Variants in BCAP29 observed in about 807,000 individuals in gnomAD.
The protein encoded by BCAP29 is B-cell receptor-associated protein 29.
BCAP29 carries 34 observed loss-of-function variants against 31.8 expected under a neutral mutation model. The ratio of observed to expected loss-of-function variants is 1.07; its 90% CI spans 0.81 to 1.42. The LOEUF is 1.42. Ranked by LOEUF, BCAP29 falls within the 40% of genes most tolerant of loss-of-function variation. The pLI is 0.00. For missense variants in BCAP29, 314 were observed against 269.2 expected (o/e 1.17, Z -1.16); for synonymous variants, 104 against 91.3 (o/e 1.14, Z -0.79).
chr7:107,618,838 T>C lies in BCAP29; in HGVS notation c.*475T>C, dbSNP rs1814639488. ...GTAAATAAGGATAACTGATCAGAGT[T>C]ATCCACTGTATTTATAAGGAAGAGT... On this transcript the variant is annotated 3_prime_UTR_variant, in exon 8 of 8. Transcript: ENST00000005259. 6.6e-6 allele frequency: 2 copies of C among 305,178 alleles called. No individual in the cohort carries two copies. Among genetic ancestry groups the C allele is most frequent in the Non-Finnish European group, 6.1e-6 (1 of 164,472 alleles). 18.9% of individuals were successfully genotyped at this position (305,178 alleles called of 1,614,324 possible). A position where few individuals can be genotyped will look rare whatever the true frequency, so the allele number is the denominator to read the frequency against.
At chr7:107,615,379 G>T (rs1487762873) in intron 7 of BCAP29, 1 of 454,954 alleles carries the variant, frequency 2.2e-6, no homozygotes, top group Non-Finnish European at 4.4e-6. Context: ...GAGGCGGGCG[G>T]ATCATGGGAG....
intron 2 of BCAP29, among the ~76,000 whole-genome samples, chr7:107,582,746 A>G (rs1372661671): frequency 6.6e-6 from 1 of 152,184 alleles, no homozygotes; most frequent in Non-Finnish European, 1.5e-5. Context: ...GTTGTTCCCT[A>G]TGAGAGATCT....
chr7:107,599,295 A>ATATATATAATTT (rs1563134201), intron 5 of BCAP29, among the ~76,000 whole-genome samples: 7 of 23,366 alleles, frequency 3.0e-4, no homozygotes, highest in African/African-American at 1.0e-3. Flanking sequence ...TTATATATAA[A>ATATATATAATTT]TTATATATAA....
chr7:107,595,779 T>G, intron 4 of BCAP29, 88 bp from the exon 5 acceptor site: 2 of 1,393,066 alleles, frequency 1.4e-6, no homozygotes, highest in Non-Finnish European at 2.0e-6. Context: ...CACACCTATA[T>G]CTAATGGGGA....
intron 6 of BCAP29, among the ~76,000 whole-genome samples, chr7:107,606,822 C>T (rs2129274982): frequency 6.6e-6 from 1 of 152,318 alleles, no homozygotes; most frequent in South Asian, 2.1e-4. Context: ...GGGACTAGAT[C>T]TCTAGAGGTC....
In BCAP29 at chr7:107,583,902, T is replaced by G. The variant is rs377633207; in HGVS notation, c.113T>G (p.Phe38Cys). 12 of 1,572,712 alleles carry G rather than the reference T, an allele frequency of 7.6e-6. No homozygotes were observed. Among genetic ancestry groups the G allele is most frequent in the Non-Finnish European group, 9.5e-6 (11 of 1,157,190 alleles). ...PPQRWQKIFS[F>C]NVWGKIATFW... is the part of the protein sequence containing the mutation. The stretch of plus-strand genomic sequence containing the variant: ...TACAGATGGCAGAAGATTTTTTCAT[T>G]TAATGTCTGGGGTAAAATTGCAACT... Residue 38 changes from phenylalanine to cysteine, a missense_variant, in exon 3 of 8, where the codon TTT (phenylalanine) becomes TGT (cysteine). Phe to Cys is a radical substitution (Grantham distance 205). Coordinates refer to ENST00000005259, the MANE Select transcript of BCAP29 (RefSeq NM_018844.4).
chr7:107,592,839 G>A (rs918494402), intron 3 of BCAP29, among the ~76,000 whole-genome samples: 2 of 152,216 alleles, frequency 1.3e-5, no homozygotes, highest in African/African-American at 2.4e-5. Flanking sequence ...CAAAAGAGCA[G>A]ATAGTATATG....
chr7:107,612,044 T>C (rs1211910871), intron 6 of BCAP29, among the ~76,000 whole-genome samples: 1 of 152,172 alleles, frequency 6.6e-6, no homozygotes, highest in Admixed American at 6.5e-5. Flanking sequence ...TGATAATGGC[T>C]TATATATTTA....
At chr7:107,601,172 G>A (rs759661596) in intron 6 of BCAP29, among the ~76,000 whole-genome samples, 8 of 152,138 alleles carry the variant, frequency 5.3e-5, no homozygotes, top group Non-Finnish European at 1.2e-4. Flanking sequence ...GCACAGAAAA[G>A]TAGATAACCC....
chr7:107,589,275 C>T (rs1263889719), intron 3 of BCAP29, among the ~76,000 whole-genome samples: 5 of 152,148 alleles, frequency 3.3e-5, no homozygotes, highest in African/African-American at 9.7e-5. Context: ...ATATGCACTT[C>T]ATTTCTATTA....
rs1187783402 is a variant in BCAP29 at position 107,613,437 on chromosome 7, G to A, written c.690+5G>A. On this transcript the variant is annotated splice_donor_5th_base_variant and intron_variant, in intron 7 of 7. Coordinates refer to ENST00000005259, the MANE Select transcript of BCAP29 (RefSeq NM_018844.4). ...AAAGAACACTCTGAACTTCAGGTGGGTGTGACATGCACTTTATGCACCTAA... is the reference window on the plus strand; with the variant it reads ...AAAGAACACTCTGAACTTCAGGTGGATGTGACATGCACTTTATGCACCTAA... 4.4e-6 allele frequency: 7 copies of A among 1,587,006 alleles called. No individual in the cohort carries two copies. Among genetic ancestry groups the A allele is most frequent in the Non-Finnish European group, 6.0e-6 (7 of 1,157,136 alleles).
chr7:107,600,030 G>T (rs2129254273), intron 5 of BCAP29, among the ~76,000 whole-genome samples: 1 of 152,062 alleles, frequency 6.6e-6, no homozygotes, highest in East Asian at 1.9e-4. Flanking sequence ...GAACATAATG[G>T]TTTTCTAATT....
intron 6 of BCAP29, among the ~76,000 whole-genome samples, chr7:107,607,985 G>A (rs1042289496): frequency 6.6e-6 from 1 of 152,062 alleles, no homozygotes; most frequent in Non-Finnish European, 1.5e-5. Context: ...AGTCACAGAG[G>A]TGCCAGCTTT....
At chr7:107,580,094 G>C (rs1429569005), upstream of BCAP29, 2 of 152,246 alleles carry the variant, frequency 1.3e-5, no homozygotes, top group Non-Finnish European at 2.9e-5. Context: ...CTCATTCTCT[G>C]ACCTGCCGCC....
Position 107,611,610 on chromosome 7 carries a change from C to T in BCAP29, c.590-1722C>T, listed in dbSNP as rs1813140002. 2.0e-5 allele frequency among the ~76,000 whole-genome samples: 3 copies of T among 152,286 alleles called. No homozygotes were observed. In the South Asian group the frequency reaches 6.2e-4, roughly 32 times the overall value. On this transcript the variant is annotated intron_variant, in intron 6 of 7. Transcript: ENST00000005259. ...TTTTCAAGTAGCCTCTAGGAAATGC[C>T]TTGTAGAACCCAAATTGAAAACTAA... is the stretch of plus-strand genomic sequence containing the variant.
intron 3 of BCAP29, among the ~76,000 whole-genome samples, chr7:107,591,367 A>G (rs1344753183): frequency 1.3e-5 from 2 of 152,198 alleles, no homozygotes; most frequent in East Asian, 3.8e-4. Flanking sequence ...AGGGGAAAAT[A>G]AAAACAGGTT....
At chr7:107,615,879 T>TA (rs1258621417) in intron 7 of BCAP29, 1 of 152,350 alleles carries the variant, frequency 6.6e-6, no homozygotes, top group African/African-American at 2.4e-5. Flanking sequence ...TAATTGAAAG[T>TA]ATTTTAATAT....
intron 6 of BCAP29, among the ~76,000 whole-genome samples, chr7:107,604,614 C>A (rs1000440130): frequency 1.3e-5 from 2 of 150,838 alleles, no homozygotes; most frequent in Admixed American, 6.6e-5. Context: ...AAGCCCCCAG[C>A]TTATTTTAAA....
chr7:107,583,179 T>G (rs1208056360), intron 2 of BCAP29, among the ~76,000 whole-genome samples: 1 of 152,178 alleles, frequency 6.6e-6, no homozygotes, highest in Non-Finnish European at 1.5e-5. Context: ...TTTGCCACTT[T>G]GCCATTTATA....
Sources: allele counts gnomAD v4.1 joint callset (sites outside exome capture counted in the v4.1 genomes callset), GRCh38; gene constraint gnomAD v4.1.1; transcripts MANE v1.5; gene names NCBI Gene and HGNC (gene_info 2026-07-23, HGNC 2026-07-21).